RALGDS: variants seen among roughly 807,000 people sequenced by gnomAD.
The protein encoded by RALGDS is ral guanine nucleotide exchange factor.
RALGDS carries 44 observed loss-of-function variants against 99.8 expected under a neutral mutation model. The observed-to-expected ratio is 0.44, with a 90% confidence interval of 0.35 to 0.57. RALGDS has a LOEUF of 0.57. RALGDS is among the 20% of genes least tolerant of loss of function. The pLI, the probability that RALGDS is intolerant of heterozygous loss-of-function variation, is 0.01. For synonymous variants in RALGDS, 529 were observed against 505.0 expected (o/e 1.05, Z -0.64); for missense variants, 1,022 against 1,203.1 (o/e 0.85, Z 2.23).
intron 1 of RALGDS, among the ~76,000 whole-genome samples, chr9:133,128,667 C>T (rs137857693): frequency 1.2e-3 from 180 of 152,312 alleles, no homozygotes; most frequent in African/African-American, 4.1e-3. Context: ...ATCTGGAGTG[C>T]AGATTCGGGT....
Position 133,103,411 on chromosome 9 carries a change from G to T in RALGDS, c.1759-149C>A. On this transcript the variant is annotated intron_variant, in intron 11 of 17. Coordinates refer to ENST00000372050, the MANE Select transcript of RALGDS (RefSeq NM_006266.4). ...GCCGGTGCTGGGCACCAGGGCAAGG[G>T]GACATGCGGGCAGAGGCTTGGGGAC... is the stretch of plus-strand genomic sequence containing the variant. 7 of 980,710 alleles carry T rather than the reference G, an allele frequency of 7.1e-6. 1 individual carries two copies. The highest frequency in any genetic ancestry group is 1.1e-5 in the Non-Finnish European group (7 of 624,384). 60.8% of individuals were successfully genotyped at this position (980,710 alleles called of 1,614,324 possible). A position where few individuals can be genotyped will look rare whatever the true frequency, so the allele number is the denominator to read the frequency against.
chr9:133,120,440 C>A (rs1429894623), intron 1 of RALGDS, among the ~76,000 whole-genome samples: 3 of 141,308 alleles, frequency 2.1e-5, no homozygotes, highest in Admixed American at 6.9e-5. Context: ...CCCCCCCCCA[C>A]CCCGCTCTGA....
At chr9:133,132,952 T>C (rs1374294990), upstream of RALGDS, among the ~76,000 whole-genome samples, 2 of 152,082 alleles carry the variant, frequency 1.3e-5, no homozygotes, top group East Asian at 1.9e-4. Flanking sequence ...CGCTCAACTT[T>C]CATAGTGGGG....
At chr9:133,148,487 C>T (rs1457981057) in intron 1 of RALGDS, among the ~76,000 whole-genome samples, 1 of 152,018 alleles carries the variant, frequency 6.6e-6, no homozygotes, top group Non-Finnish European at 1.5e-5. Context: ...CGCCCTCTTT[C>T]TTCTTTCCCC....
chr9:133,120,911 G>A, intron 1 of RALGDS, 61 bp downstream of exon 1: 5 of 1,434,000 alleles, frequency 3.5e-6, no homozygotes, highest in Non-Finnish European at 3.7e-6. Context: ...GACCTGCCCA[G>A]CTCTGCCGCG....
chr9:133,131,357 T>C (rs969988782), upstream of RALGDS, among the ~76,000 whole-genome samples: 1 of 151,740 alleles, frequency 6.6e-6, no homozygotes, highest in Non-Finnish European at 1.5e-5. Context: ...GAAACCTACC[T>C]CCCTGTACTC....
At chr9:133,142,895 C>G (rs1262390044) in intron 1 of RALGDS, among the ~76,000 whole-genome samples, 1 of 152,228 alleles carries the variant, frequency 6.6e-6, no homozygotes, top group Non-Finnish European at 1.5e-5. Context: ...GTCCTGGTGC[C>G]TGGCCCTTCC....
intron 1 of RALGDS, among the ~76,000 whole-genome samples, chr9:133,115,516 G>A (rs550863498): frequency 4.5e-4 from 69 of 152,268 alleles, no homozygotes; most frequent in Middle Eastern, 3.4e-3. Flanking sequence ...CCCCCTGCCA[G>A]CACCTCACAG....
chr9:133,121,313 G>T (rs1242522137), upstream of RALGDS: 3 of 687,050 alleles, frequency 4.4e-6, no homozygotes, highest in East Asian at 4.1e-4. Context: ...TGGGGCCGGG[G>T]AGGGGCGGAA....
At chr9:133,111,870 C>T (rs910651845) in intron 2 of RALGDS, among the ~76,000 whole-genome samples, 172 bp downstream of exon 2, 8 of 152,146 alleles carry the variant, frequency 5.3e-5, no homozygotes, top group Admixed American at 2.6e-4. Flanking sequence ...GCTGCACACC[C>T]GGGGAAGGGA....
intron 11 of RALGDS, 45 bp downstream of exon 11, chr9:133,103,702 G>T: frequency 6.3e-7 from 1 of 1,588,628 alleles, no homozygotes; most frequent in African/African-American, 1.3e-5. Flanking sequence ...CTCAGGGAAG[G>T]TCTCTCCTCC....
At chr9:133,139,604 T>G (rs562184853) in intron 1 of RALGDS, among the ~76,000 whole-genome samples, 1 of 151,068 alleles carries the variant, frequency 6.6e-6, no homozygotes, top group South Asian at 2.1e-4. Flanking sequence ...CGGGGGAGAG[T>G]GGGATGCGTG....
chr9:133,140,517 C>CTTCCCT (rs1354349939), intron 1 of RALGDS, among the ~76,000 whole-genome samples: 13 of 152,172 alleles, frequency 8.5e-5, no homozygotes, highest in African/African-American at 3.1e-4. Context: ...CCATGGGAGC[C>CTTCCCT]CTTTCTGGAC....
Position 133,108,109 on chromosome 9 carries a change from G to A in RALGDS, c.1076C>T (p.Pro359Leu), listed in dbSNP as rs1233550228. The change falls in exon 6 of 18, where the codon CCA (proline) becomes CTA (leucine). Residue 359 changes from proline to leucine, a missense_variant. By Grantham distance (98) the Pro-to-Leu change is moderately conservative. Coordinates refer to ENST00000372050, the MANE Select transcript of RALGDS (RefSeq NM_006266.4). ...LELEPAPAPV[P>L]SLQPSWPSPV... is the part of the protein sequence containing the mutation. ...TGAAGGCCAGGAAGGCTGTAATGAT[G>A]GAACTGGTGCTGGAGCTGGCTCCAG... 7 of 1,613,600 alleles carry A rather than the reference G, an allele frequency of 4.3e-6. No homozygotes were observed. The highest frequency in any genetic ancestry group is 5.9e-6 in the Non-Finnish European group (7 of 1,180,050).
rs1191247918 is a variant in RALGDS, at chr9:133,100,860, A to G, written c.2455-478T>C. 3 of 1,063,492 alleles carry G rather than the reference A, an allele frequency of 2.8e-6. No individual in the cohort carries two copies. The East Asian group carries it at 2.3e-4, about 82-fold the overall frequency. The allele number at this position is 1,063,492 out of a possible 1,614,324, so 65.9% of individuals were successfully genotyped here. On this transcript the variant is annotated intron_variant, in intron 16 of 17. Coordinates refer to ENST00000372050, the MANE Select transcript of RALGDS (RefSeq NM_006266.4). ...AGGCGGAACTCGGACATAGGGCCAC[A>G]GGTGACTGCTTAATGACAACCATGC... is the stretch of plus-strand genomic sequence containing the variant.
intron 1 of RALGDS, among the ~76,000 whole-genome samples, chr9:133,136,918 G>A (rs1479467559): frequency 5.3e-5 from 8 of 152,044 alleles, no homozygotes; most frequent in Non-Finnish European, 1.0e-4. Context: ...CAGCCTAGGC[G>A]ACAGAGCAAG....
chr9:133,103,896 C>G, intron 10 of RALGDS, 63 bp from the exon 11 acceptor site: 2 of 1,505,398 alleles, frequency 1.3e-6, no homozygotes, highest in African/African-American at 2.8e-5. Context: ...CAGCCCCCAG[C>G]CCCAACTGGT....
chr9:133,147,134 GCCT>G (rs1232590370), intron 1 of RALGDS, among the ~76,000 whole-genome samples: 1 of 152,124 alleles, frequency 6.6e-6, no homozygotes, highest in Non-Finnish European at 1.5e-5. Context: ...GGCCACACTG[GCCT>G]CCTTTCTCAC....
At chr9:133,104,181 G>T in intron 10 of RALGDS, 82 bp downstream of exon 10, 1 of 1,413,292 alleles carries the variant, frequency 7.1e-7, no homozygotes, top group Admixed American at 1.7e-5. Flanking sequence ...GGGCCCATAG[G>T]CACCGTGGCT....
Sources: gnomAD v4.1 joint callset for allele counts (sites outside exome capture counted in the v4.1 genomes callset) on GRCh38, gnomAD v4.1.1 for gene constraint, MANE v1.5 for transcripts, NCBI Gene and HGNC (gene_info 2026-07-23, HGNC 2026-07-21) for gene names.